Variants in HEPHL1 observed in about 807,000 individuals in gnomAD.
HEPHL1 encodes the protein hephaestin like 1.
In HEPHL1, 123 loss-of-function variants were observed where a neutral mutation model predicts 122.0. The observed-to-expected ratio is 1.01, with a 90% CI of 0.87 to 1.17. HEPHL1 has a LOEUF of 1.17. Ranked by LOEUF, HEPHL1 falls within the 50% of genes most tolerant of loss-of-function variation. HEPHL1 has a pLI of 0.00. For synonymous variants in HEPHL1, 527 were observed against 508.9 expected (o/e 1.04, Z -0.48); for missense variants, 1,452 against 1,430.5 (o/e 1.01, Z -0.24).
At chr11:94,046,091 C>CTGTTTTTTTTTT (rs1945834171) in intron 2 of HEPHL1, among the ~76,000 whole-genome samples, 174 bp downstream of exon 2, 1 of 65,048 alleles carries the variant, frequency 1.5e-5, no homozygotes, top group Non-Finnish European at 2.6e-5. Flanking sequence ...CCCTTTCTTG[C>CTGTTTTTTTTTT]TTTTTTTTTT....
chr11:94,072,682 T>C (rs1946085354), intron 6 of HEPHL1, among the ~76,000 whole-genome samples: 1 of 152,020 alleles, frequency 6.6e-6, no homozygotes, highest in African/African-American at 2.4e-5. Context: ...GAGAGAGGGA[T>C]GCTTATTCTG....
Position 94,077,542 on chromosome 11 carries a change from AT to A in HEPHL1, c.1716+2159del, listed in dbSNP as rs1474602233. On this transcript the variant is annotated intron_variant, in intron 9 of 19. Coordinates refer to ENST00000315765, the MANE Select transcript of HEPHL1 (RefSeq NM_001098672.2). The stretch of plus-strand genomic sequence containing the variant: ...TTTGTGTTACAAATAATCCATTTAT[AT>A]TCTTTTAGTTATTTTCAAATGTACA... Among the ~76,000 whole-genome samples the A allele has an allele frequency of 8.0e-4, 122 of 152,252 alleles. 2 individuals carry two copies. The highest frequency in any genetic ancestry group is 8.8e-5 in the Non-Finnish European group (6 of 68,006).
intron 8 of HEPHL1, among the ~76,000 whole-genome samples, chr11:94,074,814 T>C (rs998424049): frequency 6.6e-6 from 1 of 152,214 alleles, no homozygotes; most frequent in South Asian, 2.1e-4. Context: ...CTTTTGGGTA[T>C]CTTCTGCAAG....
intron 2 of HEPHL1, among the ~76,000 whole-genome samples, chr11:94,047,452 A>T (rs973638169): frequency 1.3e-5 from 2 of 152,176 alleles, no homozygotes; most frequent in Admixed American, 6.5e-5. Context: ...AAGTGAGAAT[A>T]TGCGATATTT....
At chr11:94,081,638 C>T (rs1398652162) in intron 9 of HEPHL1, among the ~76,000 whole-genome samples, 1 of 152,072 alleles carries the variant, frequency 6.6e-6, no homozygotes, top group Non-Finnish European at 1.5e-5. Flanking sequence ...TAAGTCTCGT[C>T]AGTTATATGA....
chr11:94,098,764 G>C (rs1447514649), intron 13 of HEPHL1, among the ~76,000 whole-genome samples: 2 of 151,972 alleles, frequency 1.3e-5, no homozygotes, highest in Non-Finnish European at 2.9e-5. Flanking sequence ...TCATTCATTT[G>C]ATCTTCAATC....
intron 2 of HEPHL1, chr11:94,055,744 G>A: frequency 2.6e-6 from 1 of 387,416 alleles, no homozygotes; most frequent in Non-Finnish European, 5.0e-6. Context: ...AGTGATGACT[G>A]GTGTGTTATG....
In HEPHL1 at chr11:94,045,730, G is replaced by T. The variant is rs779806912; in HGVS notation, c.228G>T (p.Lys76Asn). The T allele has an allele frequency of 1.2e-6, 2 of 1,613,416 alleles. No individual in the cohort carries two copies. Among genetic ancestry groups the T allele is most frequent in the South Asian group, 1.1e-5 (1 of 90,950 alleles). Residue 76 changes from lysine to asparagine, a missense_variant, in exon 2 of 20, where the codon AAG becomes AAT. Transcript: ENST00000315765. The part of the protein sequence containing the change: ...GPNRIGSIYK[K>N]AVYRRFTDGT... ...ACAGGATAGGCAGTATTTACAAAAA[G>T]GCTGTTTACAGACGCTTCACGGATG... is the stretch of plus-strand genomic sequence containing the variant.
At chr11:94,028,733 G>T (rs1945647173) in intron 1 of HEPHL1, among the ~76,000 whole-genome samples, 1 of 152,106 alleles carries the variant, frequency 6.6e-6, no homozygotes, top group Non-Finnish European at 1.5e-5. Flanking sequence ...ACAACAGATG[G>T]CTCACCAATG....
intron 1 of HEPHL1, among the ~76,000 whole-genome samples, chr11:94,043,117 A>T (rs1029570946): frequency 5.9e-5 from 9 of 152,150 alleles, no homozygotes; most frequent in African/African-American, 2.2e-4. Flanking sequence ...GAATGATTGA[A>T]TTCTTGGAAC....
rs1217631649 is a variant in HEPHL1, at chr11:94,088,777, C to T, written c.2103C>T (p.Ala701=). 1.7e-5 allele frequency: 27 copies of T among 1,613,568 alleles called. No individual in the cohort carries two copies. The highest frequency in any genetic ancestry group is 1.7e-5 in the Admixed American group (1 of 59,984). The change falls in exon 12 of 20, where the codon GCC becomes GCT. Residue 701 remains alanine (A), a synonymous_variant. Coordinates refer to ENST00000315765, the MANE Select transcript of HEPHL1 (RefSeq NM_001098672.2). The part of the protein sequence containing the change: ...DHAGIFRVFC[A]TMPHLSRGMG... ...CAGGTATTTTTAGGGTGTTTTGTGCCACCATGCCCCACCTCTCGAGAGGCA... is the reference window on the plus strand; with the variant it reads ...CAGGTATTTTTAGGGTGTTTTGTGCTACCATGCCCCACCTCTCGAGAGGCA...
chr11:94,090,202 G>A (rs978739169), intron 12 of HEPHL1, among the ~76,000 whole-genome samples: 1 of 151,904 alleles, frequency 6.6e-6, no homozygotes, highest in Non-Finnish European at 1.5e-5. Context: ...CCTGTATTCT[G>A]CAAAACTAGT....
intron 18 of HEPHL1, 127 bp downstream of exon 18, chr11:94,111,192 A>G (rs930548831): frequency 7.0e-6 from 5 of 711,566 alleles, no homozygotes; most frequent in African/African-American, 1.8e-5. Context: ...AGAGACATAT[A>G]TGTAAATATG....
intron 15 of HEPHL1, among the ~76,000 whole-genome samples, chr11:94,103,260 AT>A (rs5793671): frequency 0.44 from 25,720 of 58,704 alleles, 5,737 homozygotes; most frequent in Admixed American, 0.54. Context: ...CTATCTGGTG[AT>A]TTTTTTTTTC....
In HEPHL1 at chr11:94,113,364, C is replaced by T. The variant is rs1204022785; in HGVS notation, c.*1470C>T. 3 of 152,168 alleles carry T rather than the reference C, an allele frequency of 2.0e-5. No individual in the cohort carries two copies. Among genetic ancestry groups the T allele is most frequent in the African/African-American group, 4.8e-5 (2 of 41,444 alleles). 9.4% of individuals were successfully genotyped at this position (152,168 alleles called of 1,614,324 possible). On this transcript the variant is annotated 3_prime_UTR_variant, in exon 20 of 20. Coordinates refer to ENST00000315765, the MANE Select transcript of HEPHL1 (RefSeq NM_001098672.2). ...CTAAGAAATATTCTGGTGGAGGGAC[C>T]TTTCACACTGTCTCATCTTCATCTT...
In HEPHL1 at chr11:94,110,990, T is replaced by C; in HGVS notation, c.3133T>C (p.Trp1045Arg). The change falls in exon 18 of 20, where the codon TGG becomes CGG. Residue 1045 changes from tryptophan to arginine, a missense_variant. Physicochemically the swap from Trp to Arg is moderately radical, Grantham distance 101. Coordinates refer to ENST00000315765, the MANE Select transcript of HEPHL1 (RefSeq NM_001098672.2). Reference sequence around the variant, plus strand: ...ACTGTTTGCAGATCACCCAGGGACATGGCTGCTACACTGTCATGTGTCTGA... The same window carrying C: ...ACTGTTTGCAGATCACCCAGGGACACGGCTGCTACACTGTCATGTGTCTGA... ...IELFADHPGTWLLHCHVSDHI... is the reference protein window; with the variant it reads ...IELFADHPGTRLLHCHVSDHI... 3.1e-6 allele frequency: 5 copies of C among 1,611,910 alleles called. No individual in the cohort carries two copies. Among genetic ancestry groups the C allele is most frequent in the Non-Finnish European group, 4.2e-6 (5 of 1,178,922 alleles).
In HEPHL1 at chr11:94,113,707, T is replaced by TTTGA. The variant is rs772518305; in HGVS notation, c.*1817_*1820dup. 6.6e-6 allele frequency: 1 copy of TTTGA among 152,210 alleles called. No individual in the cohort carries two copies. The highest frequency in any genetic ancestry group is 6.5e-5 in the Admixed American group (1 of 15,288). The allele number at this position is 152,210 out of a possible 1,614,324, so 9.4% of individuals were successfully genotyped here. A position where few individuals can be genotyped will look rare whatever the true frequency, so the allele number is the denominator to read the frequency against. ...TAATGAAAACAAAACCACAAAGTAG[T>TTTGA]TTGATTGCATCATTTATCATTTTAA... On this transcript the variant is annotated 3_prime_UTR_variant, in exon 20 of 20. Transcript: ENST00000315765.
chr11:94,078,994 C>G (rs1445012192), intron 9 of HEPHL1, among the ~76,000 whole-genome samples: 2 of 152,170 alleles, frequency 1.3e-5, no homozygotes, highest in Non-Finnish European at 2.9e-5. Context: ...TAACTTCCCA[C>G]CCTCATTAAA....
In HEPHL1 at chr11:94,093,407, G is replaced by T. The variant is rs1413788348; in HGVS notation, c.2295-94G>T. The T allele has an allele frequency of 2.8e-6, 4 of 1,419,358 alleles. No homozygotes were observed. The East Asian group carries it at 9.1e-5, about 32-fold the overall frequency. 87.9% of individuals were successfully genotyped at this position (1,419,358 alleles called of 1,614,324 possible). ...GCACTTGATCACAGCCAGGTTTGGGGAGCACTTCTCCAGAATACCCCTGAA... is the reference window on the plus strand; with the variant it reads ...GCACTTGATCACAGCCAGGTTTGGGTAGCACTTCTCCAGAATACCCCTGAA... On this transcript the variant is annotated intron_variant, in intron 12 of 19. Transcript: ENST00000315765.
Sources: allele counts gnomAD v4.1 joint callset (sites outside exome capture counted in the v4.1 genomes callset), GRCh38; gene constraint gnomAD v4.1.1; transcripts MANE v1.5; gene names NCBI Gene and HGNC (gene_info 2026-07-23, HGNC 2026-07-21).